ZFAND5: variants seen among roughly 807,000 people sequenced by gnomAD.
ZFAND5 encodes zinc finger AN1-type containing 5, also known as AN1-type zinc finger protein 5.
ZFAND5 carries 4 observed loss-of-function variants against 23.6 expected under a neutral mutation model. The observed-to-expected ratio is 0.17, with a 90% confidence interval of 0.08 to 0.39. The LOEUF is 0.39. Ranked by LOEUF, ZFAND5 falls within the 10% of genes least tolerant of loss-of-function variation. The probability of loss-of-function intolerance (pLI) is 1.00; values close to 1 mark genes in which losing one functional copy is unlikely to be tolerated. For synonymous variants in ZFAND5, 68 were observed against 80.6 expected (o/e 0.84, Z 0.84); for missense variants, 161 against 253.7 (o/e 0.63, Z 2.48).
In ZFAND5 at chr9:72,361,698, T is replaced by G. The variant is rs545002364; in HGVS notation, c.-9-911A>C. 1.7e-3 allele frequency among the ~76,000 whole-genome samples: 265 copies of G among 152,352 alleles called. 2 individuals are homozygous for G. The highest frequency in any genetic ancestry group is 5.9e-3 in the African/African-American group (245 of 41,582). On this transcript the variant is annotated intron_variant, in intron 2 of 6. Coordinates refer to ENST00000376962, the MANE Select transcript of ZFAND5 (RefSeq NM_001102420.3). ...GCAAGCATTTGTTTCCAAGGAAGAT[T>G]TGCTTTTCTAAAAGTCTTGTTAAAA... is the stretch of plus-strand genomic sequence containing the variant.
intron 1 of ZFAND5, chr9:72,363,818 A>T: frequency 4.6e-6 from 1 of 215,988 alleles, no homozygotes; most frequent in Non-Finnish European, 7.9e-6. Flanking sequence ...TCCCAGGTTT[A>T]AGAACGGGGA....
intron 1 of ZFAND5, 171 bp downstream of exon 1, chr9:72,364,525 C>A: frequency 2.3e-6 from 3 of 1,279,598 alleles, no homozygotes; most frequent in Non-Finnish European, 3.1e-6. Flanking sequence ...CAGGATGACG[C>A]CTCCGTCTTT....
In ZFAND5 at chr9:72,354,140, C is replaced by G. The variant is rs11791835; in HGVS notation, c.*1813G>C. On this transcript the variant is annotated 3_prime_UTR_variant, in exon 7 of 7. Coordinates refer to ENST00000376962, the MANE Select transcript of ZFAND5 (RefSeq NM_001102420.3). ...ACTCTTTTTGTAAACTAAGTCATACCTACTTTCTTCTTCAGAATTGTCATA... is the reference window on the plus strand; with the variant it reads ...ACTCTTTTTGTAAACTAAGTCATACGTACTTTCTTCTTCAGAATTGTCATA... 6.6e-6 allele frequency: 1 copy of G among 152,148 alleles called. No individual in the cohort carries two copies. Among genetic ancestry groups the G allele is most frequent in the South Asian group, 2.1e-4 (1 of 4,834 alleles). The allele number at this position is 152,148 out of a possible 1,614,324, so 9.4% of individuals were successfully genotyped here.
At chr9:72,361,449 C>T (rs1302999453) in intron 2 of ZFAND5, among the ~76,000 whole-genome samples, 1 of 152,152 alleles carries the variant, frequency 6.6e-6, no homozygotes, top group African/African-American at 2.4e-5. Context: ...TTTGAAGTTT[C>T]AGAGTATGTC....
chr9:72,362,032 C>T (rs1005526419), intron 2 of ZFAND5, among the ~76,000 whole-genome samples: 3 of 152,134 alleles, frequency 2.0e-5, no homozygotes, highest in Non-Finnish European at 4.4e-5. Context: ...TTGACCTGGC[C>T]AGACCCCTGG....
intron 5 of ZFAND5, 149 bp downstream of exon 5, chr9:72,359,269 A>G: frequency 1.6e-6 from 1 of 634,610 alleles, no homozygotes; most frequent in Non-Finnish European, 2.7e-6. Context: ...TACTCAAGAT[A>G]CTTTTAAAGA....
Position 72,355,741 on chromosome 9 carries a change from A to AG in ZFAND5, c.*211dup. 1 of 375,744 alleles carries AG rather than the reference A, an allele frequency of 2.7e-6. No individual in the cohort carries two copies. The highest frequency in any genetic ancestry group is 4.7e-6 in the Non-Finnish European group (1 of 213,214). The allele number at this position is 375,744 out of a possible 1,614,324, so 23.3% of individuals were successfully genotyped here. On this transcript the variant is annotated 3_prime_UTR_variant, in exon 7 of 7. Coordinates refer to ENST00000376962, the MANE Select transcript of ZFAND5 (RefSeq NM_001102420.3). Reference sequence around the variant, plus strand: ...TGCAGATTTTCATCCAATTTTTTTCAGGGGAGGGCATATACATTTGTAGGG... The same window carrying AG: ...TGCAGATTTTCATCCAATTTTTTTCAGGGGGAGGGCATATACATTTGTAGGG...
intron 1 of ZFAND5, chr9:72,364,326 A>C (rs1458686206): frequency 9.8e-7 from 1 of 1,023,556 alleles, no homozygotes; most frequent in East Asian, 1.1e-4. Flanking sequence ...GGGGGCTGCA[A>C]CGGGCAGGGG....
chr9:72,360,449 G>T, intron 3 of ZFAND5, 179 bp downstream of exon 3: 1 of 895,380 alleles, frequency 1.1e-6, no homozygotes, highest in Non-Finnish European at 1.7e-6. Flanking sequence ...GCTATAAGAT[G>T]CTTGTAGATA....
At position 72,355,066 on chromosome 9, in the gene ZFAND5, C is replaced by T. The variant is rs2131970632; in HGVS notation, c.*887G>A. The stretch of plus-strand genomic sequence containing the variant: ...AAAGCTTTAAACATTCTTTCTTGAA[C>T]CAAAACATTCGACAAAAGATGCACA... On this transcript the variant is annotated 3_prime_UTR_variant, in exon 7 of 7. Transcript: ENST00000376962. 1 of 152,656 alleles carries T rather than the reference C, an allele frequency of 6.6e-6. No individual in the cohort carries two copies. The highest frequency in any genetic ancestry group is 2.1e-4 in the South Asian group (1 of 4,826). The allele number at this position is 152,656 out of a possible 1,614,324, so 9.5% of individuals were successfully genotyped here. A position where few individuals can be genotyped will look rare whatever the true frequency, so the allele number is the denominator to read the frequency against.
Position 72,363,592 on chromosome 9 carries a change from G to A in ZFAND5, c.-132C>T. The A allele has an allele frequency of 1.0e-6, 1 of 975,370 alleles. No individual in the cohort carries two copies. The highest frequency in any genetic ancestry group is 4.7e-5 in the South Asian group (1 of 21,072). The allele number at this position is 975,370 out of a possible 1,614,324, so 60.4% of individuals were successfully genotyped here. A position where few individuals can be genotyped will look rare whatever the true frequency, so the allele number is the denominator to read the frequency against. The stretch of plus-strand genomic sequence containing the variant: ...AATGGAGTAGAATTGACTTTTAAAG[G>A]CTCCTTTTCAGGGCCTGGGAGATAG... On this transcript the variant is annotated 5_prime_UTR_variant, in exon 2 of 7. Transcript: ENST00000376962.
chr9:72,363,304 G>A (rs1190586933), intron 2 of ZFAND5, among the ~76,000 whole-genome samples, 166 bp downstream of exon 2: 2 of 152,172 alleles, frequency 1.3e-5, no homozygotes, highest in Non-Finnish European at 2.9e-5. Context: ...CTAGAATGCA[G>A]ATTTTATAAA....
chr9:72,365,194 T>A lies in ZFAND5; in HGVS notation c.-645A>T, dbSNP rs1272614822. 6.6e-6 allele frequency: 1 copy of A among 152,108 alleles called. No individual in the cohort carries two copies. The highest frequency in any genetic ancestry group is 1.9e-4 in the East Asian group (1 of 5,134). 9.4% of individuals were successfully genotyped at this position (152,108 alleles called of 1,614,324 possible). ...CGTAGGAGATGCACACAGCTCCGCG[T>A]CCCGGCCGACTAACGCACTCGCCGC... On this transcript the variant is annotated 5_prime_UTR_variant, in exon 1 of 7. Coordinates refer to ENST00000376962, the MANE Select transcript of ZFAND5 (RefSeq NM_001102420.3).
At position 72,360,630 on chromosome 9, in the gene ZFAND5, A is replaced by G; in HGVS notation, c.149T>C (p.Met50Thr). The G allele has an allele frequency of 6.2e-7, 1 of 1,613,820 alleles. No individual in the cohort carries two copies. Among genetic ancestry groups the G allele is most frequent in the Non-Finnish European group, 8.5e-7 (1 of 1,179,832 alleles). The change falls in exon 3 of 7, where the codon ATG (methionine) becomes ACG (threonine). Residue 50 changes from methionine (M) to threonine (T), a missense_variant and splice_region_variant. Around this residue, in one of 3 missense-constraint regions of ZFAND5, gnomAD observed 116 missense variants for 115.2 expected, o/e 1.01. Transcript: ENST00000376962. Reference sequence around the variant, plus strand: ...GTTTTTCCTTGGAAATAACTTACCCATTGGGCTCATTCTGCCACTATTTTG... The same window carrying G: ...GTTTTTCCTTGGAAATAACTTACCCGTTGGGCTCATTCTGCCACTATTTTG... ...RQQNSGRMSPMGTASGSNSPT... is the reference protein window; with the variant it reads ...RQQNSGRMSPTGTASGSNSPT...
rs148208944 is a variant in ZFAND5 at position 72,360,377 on chromosome 9, A to G, written c.152-156T>C. 5.2e-3 allele frequency: 4,390 copies of G among 841,370 alleles called. 68 individuals carry two copies. Among genetic ancestry groups the G allele is most frequent in the South Asian group, 0.033 (1,848 of 55,780 alleles). The allele number at this position is 841,370 out of a possible 1,614,324, so 52.1% of individuals were successfully genotyped here. A position where few individuals can be genotyped will look rare whatever the true frequency, so the allele number is the denominator to read the frequency against. On this transcript the variant is annotated intron_variant, in intron 3 of 6. Coordinates refer to ENST00000376962, the MANE Select transcript of ZFAND5 (RefSeq NM_001102420.3). ...CTTGAGTATCCAAACAAAAAATATT[A>G]AAAAGTCAATCCAATGAACACAAGT...
At chr9:72,361,405 C>CA (rs1347200527) in intron 2 of ZFAND5, among the ~76,000 whole-genome samples, 2 of 152,324 alleles carry the variant, frequency 1.3e-5, no homozygotes, top group East Asian at 3.9e-4. Context: ...AATTTAGGGT[C>CA]AGCTGGTTTA....
Position 72,359,401 on chromosome 9 carries a change from T to A in ZFAND5, c.367+17A>T. 6.2e-7 allele frequency: 1 copy of A among 1,609,878 alleles called. No homozygotes were observed. Among genetic ancestry groups the A allele is most frequent in the Admixed American group, 1.7e-5 (1 of 59,642 alleles). ...TATCAAATTCAGAACTGAACAAGTA[T>A]TAAATGAAAAACATACCTGGCTCTG... is the stretch of plus-strand genomic sequence containing the variant. On this transcript the variant is annotated intron_variant, in intron 5 of 6. Transcript: ENST00000376962.
chr9:72,364,284 C>G, intron 1 of ZFAND5: 1 of 626,284 alleles, frequency 1.6e-6, no homozygotes, highest in Non-Finnish European at 2.2e-6. Flanking sequence ...CGACCCCCGA[C>G]CCCGAACGGC....
At chr9:72,359,010 A>G (rs188470194) in intron 5 of ZFAND5, among the ~76,000 whole-genome samples, 40 of 152,306 alleles carry the variant, frequency 2.6e-4, no homozygotes, top group African/African-American at 7.9e-4. Context: ...TGTACTTCAA[A>G]TAAGTTCTAG....
Sources: allele counts gnomAD v4.1 joint callset (sites outside exome capture counted in the v4.1 genomes callset), GRCh38; gene constraint gnomAD v4.1.1; regional missense constraint gnomAD v4.1.1; transcripts MANE v1.5; gene names NCBI Gene and HGNC (gene_info 2026-07-23, HGNC 2026-07-21).